The following HDAC9 variants were observed in gnomAD, a reference collection of about 807,000 sequenced individuals.
HDAC9 encodes MEF-2 interacting transcription repressor (MITR) protein.
Under a neutral mutation model 139.4 loss-of-function variants are expected in HDAC9, and 41 were observed. That is an observed-to-expected ratio of 0.29 (90% confidence interval 0.23 to 0.38). HDAC9 has a LOEUF of 0.38. Ranked by LOEUF, HDAC9 falls within the 10% of genes least tolerant of loss-of-function variation. HDAC9 has a pLI of 1.00. For missense variants in HDAC9, 1,147 were observed against 1,297.0 expected, an observed-to-expected ratio of 0.88 and a Z score of 1.78; for synonymous variants, 517 against 476.2, an observed-to-expected ratio of 1.09 and a Z score of -1.12.
intron 1 of HDAC9, among the ~76,000 whole-genome samples, chr7:18,115,761 A>T (rs896253505): frequency 6.6e-6 from 1 of 152,218 alleles, no homozygotes; most frequent in Non-Finnish European, 1.5e-5. Flanking sequence ...CAAAGATTTT[A>T]TAGTCACTTA....
chr7:18,123,190 G>A lies in HDAC9; in HGVS notation c.-97+35977G>A, dbSNP rs1235929449. Among the ~76,000 whole-genome samples the A allele has an allele frequency of 2.6e-5, 4 of 152,200 alleles. No individual in the cohort carries two copies. The South Asian group carries it at 6.2e-4, about 24-fold the overall frequency. On this transcript the variant is annotated intron_variant, in intron 1 of 12. Coordinates refer to the HDAC9 transcript ENST00000417496. ...AGTTCTAATTTTGCATTGCAAGTTG[G>A]TACTGCAAGAGGTCACAACCCCCTT...
At chr7:18,194,103 T>A (rs1790562002) in intron 2 of HDAC9, among the ~76,000 whole-genome samples, 1 of 152,184 alleles carries the variant, frequency 6.6e-6, no homozygotes, top group Non-Finnish European at 1.5e-5. Context: ...GATGTATAAG[T>A]ACAGCCTAAT....
At chr7:18,824,667 T>G (rs1359472020) in intron 17 of HDAC9, among the ~76,000 whole-genome samples, 1 of 152,180 alleles carries the variant, frequency 6.6e-6, no homozygotes, top group Non-Finnish European at 1.5e-5. Context: ...AATCAGGATA[T>G]TGAATGGATT....
Position 18,831,522 on chromosome 7 carries a change from T to C in HDAC9, c.2466+1974T>C, listed in dbSNP as rs889915818. 3.9e-5 allele frequency among the ~76,000 whole-genome samples: 6 copies of C among 152,190 alleles called. No homozygotes were observed. In the South Asian group the frequency reaches 1.0e-3, roughly 26 times the overall value. ...AGGATACTGATTTCCCAACAGGCTGTAGTAGACGAGAAGTTTTTGTTTCAA... is the reference window on the plus strand; with the variant it reads ...AGGATACTGATTTCCCAACAGGCTGCAGTAGACGAGAAGTTTTTGTTTCAA... On this transcript the variant is annotated intron_variant, in intron 19 of 25. Coordinates refer to ENST00000686413, the MANE Select transcript of HDAC9 (RefSeq NM_178425.4).
At chr7:18,642,927 C>G (rs1786165680) in intron 8 of HDAC9, among the ~76,000 whole-genome samples, 2 of 152,168 alleles carry the variant, frequency 1.3e-5, no homozygotes, top group South Asian at 4.1e-4. Flanking sequence ...TAGTCCATAT[C>G]TTAGTGCTGT....
chr7:18,783,937 G>T (rs1791468875), intron 16 of HDAC9, among the ~76,000 whole-genome samples: 1 of 151,904 alleles, frequency 6.6e-6, no homozygotes, highest in South Asian at 2.1e-4. Context: ...TGTAGCCATT[G>T]TCCTTTTAGC....
chr7:18,639,477 TTTTTTGG>T (rs1319039374), intron 8 of HDAC9, among the ~76,000 whole-genome samples: 1 of 152,084 alleles, frequency 6.6e-6, no homozygotes, highest in Non-Finnish European at 1.5e-5. Flanking sequence ...TTGTTTTTTG[TTTTTTGG>T]TCTCACAATA....
At position 18,935,941 on chromosome 7, in the gene HDAC9, A is replaced by C; in HGVS notation, c.2936A>C (p.Glu979Ala). The C allele has an allele frequency of 6.2e-7, 1 of 1,611,944 alleles. No homozygotes were observed. ...EACVNALLGN[E>A]LEPLAEDILH... ...TGTGTAAATGCCCTTCTAGGAAATG[A>C]GGTAAAAAAGTAAAAGTACAAAGGG... Residue 979 changes from glutamate (E) to alanine (A), a missense_variant and splice_region_variant, in exon 23 of 26, where the codon GAG becomes GCG. Glu to Ala is a moderately radical substitution (Grantham distance 107, BLOSUM62 -1). Coordinates refer to ENST00000686413, the MANE Select transcript of HDAC9 (RefSeq NM_178425.4).
At chr7:18,244,484 C>T (rs925595874) in intron 2 of HDAC9, among the ~76,000 whole-genome samples, 1 of 152,130 alleles carries the variant, frequency 6.6e-6, no homozygotes, top group Admixed American at 6.5e-5. Context: ...CTTCTCTGAG[C>T]TTACAGATTG....
intron 12 of HDAC9, among the ~76,000 whole-genome samples, chr7:18,702,685 C>T (rs762796133): frequency 6.6e-6 from 1 of 152,114 alleles, no homozygotes; most frequent in Admixed American, 6.5e-5. Context: ...GGTGGCAGCT[C>T]GGAAATCTGC....
chr7:18,336,558 GA>G (rs908400299), intron 1 of HDAC9, among the ~76,000 whole-genome samples: 1 of 151,702 alleles, frequency 6.6e-6, no homozygotes, highest in Admixed American at 6.6e-5. Context: ...AAAACTGATA[GA>G]AATTTGGCTG....
At chr7:18,614,466 C>G (rs1234342962) in intron 6 of HDAC9, among the ~76,000 whole-genome samples, 1 of 152,118 alleles carries the variant, frequency 6.6e-6, no homozygotes, top group Non-Finnish European at 1.5e-5. Context: ...CCTACTTTTT[C>G]TCATTTTTAA....
rs5882662 is a variant in HDAC9, at chr7:18,438,645, CGTGTGTGT to C, written c.-41-57594_-41-57587del. On this transcript the variant is annotated intron_variant, in intron 1 of 3. Coordinates refer to the HDAC9 transcript ENST00000413509. ...AAAAGACAGTGATATGCTGTGTGTGCGTGTGTGTGTGTGTGTGTGTGTGTGTGTGTAAC... is the reference window on the plus strand; with the variant it reads ...AAAAGACAGTGATATGCTGTGTGTGCGTGTGTGTGTGTGTGTGTGTGTAAC... Among the ~76,000 whole-genome samples the C allele has an allele frequency of 2.3e-3, 337 of 148,046 alleles. 1 individual carries two copies. Among genetic ancestry groups the C allele is most frequent in the African/African-American group, 6.9e-3 (280 of 40,314 alleles).
At chr7:18,705,679 C>T (rs1274874328) in intron 12 of HDAC9, among the ~76,000 whole-genome samples, 1 of 151,536 alleles carries the variant, frequency 6.6e-6, no homozygotes, top group South Asian at 2.1e-4. Context: ...GCCGAAACCC[C>T]GTTTCTACTA....
chr7:18,792,269 A>T (rs534831947), intron 16 of HDAC9, among the ~76,000 whole-genome samples: 5,294 of 137,096 alleles, frequency 0.039, 199 homozygotes, highest in African/African-American at 0.1. Flanking sequence ...TTTTTTTTTA[A>T]AAAAAAAAAA....
At chr7:18,206,663 G>A (rs1791532104) in intron 2 of HDAC9, among the ~76,000 whole-genome samples, 1 of 152,076 alleles carries the variant, frequency 6.6e-6, no homozygotes, top group African/African-American at 2.4e-5. Context: ...TGTTTCCTAT[G>A]TGAATCATAA....
intron 11 of HDAC9, among the ~76,000 whole-genome samples, chr7:18,665,749 A>G (rs1344742207): frequency 6.6e-6 from 1 of 151,962 alleles, no homozygotes; most frequent in African/African-American, 2.4e-5. Context: ...TTAGACAAAG[A>G]CTATTAGCAT....
chr7:18,389,039 CT>C (rs1477482740), intron 1 of HDAC9, among the ~76,000 whole-genome samples: 27 of 152,150 alleles, frequency 1.8e-4, no homozygotes, highest in African/African-American at 6.5e-4. Flanking sequence ...TTCGCTGAAG[CT>C]GCAGTTTCAC....
intron 1 of HDAC9, among the ~76,000 whole-genome samples, chr7:18,321,764 G>C (rs1800047577): frequency 6.6e-6 from 1 of 152,128 alleles, no homozygotes; most frequent in South Asian, 2.1e-4. Context: ...GTGTGCCCCA[G>C]ATGAGACGCG....
Sources: allele counts gnomAD v4.1 joint callset (sites outside exome capture counted in the v4.1 genomes callset), GRCh38; gene constraint gnomAD v4.1.1; transcripts MANE v1.5; gene names NCBI Gene and HGNC (gene_info 2026-07-23, HGNC 2026-07-21).